Variants in DCC observed in about 807,000 individuals in gnomAD.
DCC encodes the protein netrin receptor DCC.
A neutral mutation model predicts 172.5 loss-of-function variants in DCC; 58 were observed. That is an observed-to-expected ratio of 0.34 (90% confidence interval 0.27 to 0.42). DCC has a LOEUF of 0.42. Among genes scored for constraint, DCC ranks in the 10% least tolerant of loss-of-function variants. The probability of loss-of-function intolerance (pLI) is 1.00; values close to 1 mark genes in which losing one functional copy is unlikely to be tolerated. For synonymous variants in DCC, 709 were observed against 644.5 expected (o/e 1.10, Z -1.52); for missense variants, 1,740 against 1,791.0 (o/e 0.97, Z 0.51).
intron 1 of DCC, among the ~76,000 whole-genome samples, chr18:52,463,728 C>G (rs1323434414): frequency 6.6e-6 from 1 of 152,126 alleles, no homozygotes; most frequent in Non-Finnish European, 1.5e-5. Context: ...AGTCACTGTA[C>G]TAGGTGCTGA....
chr18:53,520,377 C>A (rs2046386637), intron 27 of DCC, among the ~76,000 whole-genome samples: 2 of 152,020 alleles, frequency 1.3e-5, no homozygotes, highest in African/African-American at 4.8e-5. Context: ...TACCAGCAGA[C>A]TGATTATTTT....
At chr18:52,950,541 G>C (rs2040622588) in intron 5 of DCC, among the ~76,000 whole-genome samples, 1 of 152,134 alleles carries the variant, frequency 6.6e-6, no homozygotes, top group Non-Finnish European at 1.5e-5. Context: ...AATCAATGTG[G>C]CCAGGCCATT....
At chr18:52,793,443 C>A (rs955821027) in intron 2 of DCC, among the ~76,000 whole-genome samples, 2 of 152,240 alleles carry the variant, frequency 1.3e-5, no homozygotes, top group African/African-American at 4.8e-5. Flanking sequence ...CTCCCATACC[C>A]TTACCATCTG....
intron 1 of DCC, among the ~76,000 whole-genome samples, chr18:52,558,413 T>G (rs2032963404): frequency 6.6e-6 from 1 of 152,184 alleles, no homozygotes; most frequent in Non-Finnish European, 1.5e-5. Context: ...TATACATACA[T>G]ATTATGTATT....
At chr18:53,428,576 A>C (rs1189804016) in intron 21 of DCC, among the ~76,000 whole-genome samples, 1 of 60,962 alleles carries the variant, frequency 1.6e-5, no homozygotes, top group African/African-American at 5.2e-5. Flanking sequence ...ATTTATATAT[A>C]TAAAATATAT....
chr18:53,100,385 A>T (rs1379224751), intron 7 of DCC, among the ~76,000 whole-genome samples: 2 of 152,186 alleles, frequency 1.3e-5, no homozygotes, highest in Non-Finnish European at 2.9e-5. Context: ...CTAATTAAAG[A>T]AGAATTTTTA....
chr18:53,109,980 C>T lies in DCC; in HGVS notation c.1261+43814C>T, dbSNP rs183037817. On this transcript the variant is annotated intron_variant, in intron 7 of 28. Transcript: ENST00000442544. ...TTTCTGGGAAATAGTGCATATTCAACTGTAAACTATTGAAAATGATGACGT... is the reference window on the plus strand; with the variant it reads ...TTTCTGGGAAATAGTGCATATTCAATTGTAAACTATTGAAAATGATGACGT... 5.6e-3 allele frequency among the ~76,000 whole-genome samples: 852 copies of T among 151,496 alleles called. 6 individuals carry two copies. Among genetic ancestry groups the T allele is most frequent in the Admixed American group, 0.023 (342 of 15,156 alleles).
chr18:53,204,786 A>G (rs1214468473), intron 9 of DCC, among the ~76,000 whole-genome samples: 1 of 152,196 alleles, frequency 6.6e-6, no homozygotes, highest in African/African-American at 2.4e-5. Context: ...TGTGCGACCT[A>G]TTTTAATTAT....
intron 12 of DCC, among the ~76,000 whole-genome samples, chr18:53,252,944 A>G (rs779188111): frequency 2.0e-5 from 3 of 152,076 alleles, no homozygotes; most frequent in Non-Finnish European, 2.9e-5. Flanking sequence ...GAATTATAAC[A>G]TGCTTCTCCA....
chr18:52,964,758 ATAT>A (rs1191663285), intron 5 of DCC, among the ~76,000 whole-genome samples: 2 of 152,130 alleles, frequency 1.3e-5, no homozygotes, highest in African/African-American at 4.8e-5. Flanking sequence ...CAATGTAAAT[ATAT>A]TATTTCACAA....
Position 52,366,965 on chromosome 18 carries a change from T to C in DCC, c.91+26087T>C, listed in dbSNP as rs568976205. Among the ~76,000 whole-genome samples the C allele has an allele frequency of 2.7e-3, 409 of 152,316 alleles. 6 individuals carry two copies. The highest frequency in any genetic ancestry group is 9.4e-3 in the African/African-American group (392 of 41,586). ...GCCGTGGAGCAGGGGGTGGTGCTCC[T>C]TGGGGAGGCTCGGGCCGCACAGGAG... On this transcript the variant is annotated intron_variant, in intron 1 of 28. Coordinates refer to ENST00000442544, the MANE Select transcript of DCC (RefSeq NM_005215.4).
chr18:52,522,088 A>T (rs1317655238), intron 1 of DCC, among the ~76,000 whole-genome samples: 3 of 152,188 alleles, frequency 2.0e-5, no homozygotes, highest in Non-Finnish European at 4.4e-5. Flanking sequence ...GAGAGATAGA[A>T]TAAAATTACT....
At chr18:52,472,951 G>C (rs532802936) in intron 1 of DCC, among the ~76,000 whole-genome samples, 10 of 152,154 alleles carry the variant, frequency 6.6e-5, no homozygotes, top group African/African-American at 2.2e-4. Flanking sequence ...TAATTTCGTA[G>C]AGCCTTAAAC....
intron 1 of DCC, among the ~76,000 whole-genome samples, chr18:52,377,227 T>C (rs972147910): frequency 6.6e-6 from 1 of 152,298 alleles, no homozygotes; most frequent in African/African-American, 2.4e-5. Flanking sequence ...AAGATTATGA[T>C]TTTTCCAGAA....
At chr18:53,275,806 T>C (rs1458758266) in intron 12 of DCC, among the ~76,000 whole-genome samples, 1 of 152,160 alleles carries the variant, frequency 6.6e-6, no homozygotes, top group Non-Finnish European at 1.5e-5. Flanking sequence ...TATAACCAAA[T>C]GTTATTGACT....
intron 27 of DCC, among the ~76,000 whole-genome samples, chr18:53,507,711 T>C (rs904121171): frequency 6.6e-6 from 1 of 152,176 alleles, no homozygotes. Context: ...TTGAAATGAA[T>C]AATTGCACGT....
chr18:52,348,992 T>C (rs1983999771), intron 1 of DCC, among the ~76,000 whole-genome samples: 1 of 152,126 alleles, frequency 6.6e-6, no homozygotes, highest in South Asian at 2.1e-4. Flanking sequence ...CTGAATATAA[T>C]GGAACTAAAG....
chr18:53,028,854 C>T (rs1041093009), intron 5 of DCC, among the ~76,000 whole-genome samples: 2 of 152,124 alleles, frequency 1.3e-5, no homozygotes, highest in African/African-American at 4.8e-5. Context: ...AAATGTCTCT[C>T]CTTATATTCA....
At chr18:52,361,731 C>A (rs1359117928) in intron 1 of DCC, among the ~76,000 whole-genome samples, 2 of 152,200 alleles carry the variant, frequency 1.3e-5, no homozygotes, top group Admixed American at 1.3e-4. Flanking sequence ...CAGGTGATGG[C>A]TATGCAAGTC....
Sources: gnomAD v4.1 joint callset for allele counts (sites outside exome capture counted in the v4.1 genomes callset) on GRCh38, gnomAD v4.1.1 for gene constraint, MANE v1.5 for transcripts, NCBI Gene and HGNC (gene_info 2026-07-23, HGNC 2026-07-21) for gene names.